Variants in EXOC4 observed in about 807,000 individuals in gnomAD.
The protein encoded by EXOC4 is SEC8-like 1.
In EXOC4, 71 loss-of-function variants were observed where a neutral mutation model predicts 107.2. The ratio of observed to expected loss-of-function variants is 0.66; its 90% CI spans 0.55 to 0.81. EXOC4 has a LOEUF of 0.81. Ranked by LOEUF, EXOC4 falls within the 30% of genes least tolerant of loss-of-function variation. The probability of loss-of-function intolerance (pLI) is 0.00; values close to 1 mark genes in which losing one functional copy is unlikely to be tolerated. For synonymous variants in EXOC4, 456 were observed against 441.2 expected, an observed-to-expected ratio of 1.03 and a Z score of -0.42; for missense variants, 1,108 against 1,189.6, an observed-to-expected ratio of 0.93 and a Z score of 1.01.
intron 7 of EXOC4, among the ~76,000 whole-genome samples, chr7:133,454,387 C>T (rs1460268713): frequency 6.6e-6 from 1 of 152,166 alleles, no homozygotes; most frequent in East Asian, 1.9e-4. Flanking sequence ...CAGCCATTGC[C>T]TCCTGGCGAA....
intron 5 of EXOC4, among the ~76,000 whole-genome samples, chr7:133,348,923 C>G (rs1224122545): frequency 6.6e-6 from 1 of 151,934 alleles, no homozygotes; most frequent in African/African-American, 2.4e-5. Context: ...TTGTTAAATC[C>G]CATATCATCA....
At chr7:133,824,693 C>T (rs149381716) in intron 11 of EXOC4, among the ~76,000 whole-genome samples, 2 of 152,020 alleles carry the variant, frequency 1.3e-5, no homozygotes, top group South Asian at 2.1e-4. Flanking sequence ...CTCTGGAGGA[C>T]GATCCTTCCT....
chr7:133,974,464 G>A (rs1010221417), intron 14 of EXOC4, among the ~76,000 whole-genome samples: 1 of 152,112 alleles, frequency 6.6e-6, no homozygotes, highest in African/African-American at 2.4e-5. Flanking sequence ...GTTTTCCTTA[G>A]GATATACTGT....
At chr7:133,925,760 A>G (rs1000505808) in intron 13 of EXOC4, among the ~76,000 whole-genome samples, 2 of 152,144 alleles carry the variant, frequency 1.3e-5, no homozygotes, top group Non-Finnish European at 2.9e-5. Context: ...GATGCACAAT[A>G]AAGAATTAAG....
chr7:133,451,820 A>G (rs1022566758), intron 7 of EXOC4, among the ~76,000 whole-genome samples: 3 of 152,160 alleles, frequency 2.0e-5, no homozygotes, highest in African/African-American at 7.2e-5. Context: ...TTGGTAGGGT[A>G]GACCTGCTCA....
At chr7:133,905,823 T>C (rs1013158936) in intron 12 of EXOC4, among the ~76,000 whole-genome samples, 2 of 151,934 alleles carry the variant, frequency 1.3e-5, no homozygotes, top group Non-Finnish European at 2.9e-5. Context: ...ATGCTGGACA[T>C]GAAGAAAGAG....
chr7:133,472,240 G>A (rs1166397683), intron 7 of EXOC4, among the ~76,000 whole-genome samples: 1 of 152,294 alleles, frequency 6.6e-6, no homozygotes, highest in East Asian at 1.9e-4. Context: ...TATTACGTGA[G>A]AAGGACTGGA....
At chr7:133,628,922 G>A (rs564792907) in intron 9 of EXOC4, among the ~76,000 whole-genome samples, 80 of 152,320 alleles carry the variant, frequency 5.3e-4, no homozygotes, top group South Asian at 3.7e-3. Context: ...ATAGGATGCA[G>A]CATGGAGCAC....
chr7:133,524,837 T>TA (rs1800050121), intron 9 of EXOC4, among the ~76,000 whole-genome samples: 1 of 152,198 alleles, frequency 6.6e-6, no homozygotes. Flanking sequence ...TTTCAGTTCT[T>TA]ACTATATCTT....
chr7:133,767,185 C>G (rs1796156134), intron 10 of EXOC4, among the ~76,000 whole-genome samples: 1 of 151,762 alleles, frequency 6.6e-6, no homozygotes, highest in Non-Finnish European at 1.5e-5. Context: ...TTTCTTCTAC[C>G]TAGTCACTCT....
chr7:133,989,296 A>G (rs1216427229), intron 14 of EXOC4, among the ~76,000 whole-genome samples: 1 of 152,178 alleles, frequency 6.6e-6, no homozygotes, highest in Non-Finnish European at 1.5e-5. Context: ...AACACATTGC[A>G]TTTGAGATGC....
chr7:133,708,797 T>C (rs746423556), intron 10 of EXOC4, among the ~76,000 whole-genome samples: 2 of 152,222 alleles, frequency 1.3e-5, no homozygotes, highest in Non-Finnish European at 2.9e-5. Flanking sequence ...TACAGCATCT[T>C]GTTTGTCTGT....
chr7:133,999,055 A>C (rs1794466520), intron 15 of EXOC4, among the ~76,000 whole-genome samples: 2 of 152,170 alleles, frequency 1.3e-5, no homozygotes, highest in South Asian at 4.1e-4. Context: ...GAAATCAAGT[A>C]TGCCATTGAG....
At chr7:133,440,513 G>A (rs1798079795) in intron 7 of EXOC4, among the ~76,000 whole-genome samples, 1 of 152,176 alleles carries the variant, frequency 6.6e-6, no homozygotes, top group Admixed American at 6.5e-5. Context: ...TAAGGGCTGG[G>A]TAAAATAAGG....
At chr7:133,730,209 CT>C (rs1210849420) in intron 10 of EXOC4, among the ~76,000 whole-genome samples, 1 of 148,746 alleles carries the variant, frequency 6.7e-6, no homozygotes, top group African/African-American at 2.5e-5. Context: ...TAGTGACCTT[CT>C]TTCTGACCTA....
intron 17 of EXOC4, among the ~76,000 whole-genome samples, chr7:134,020,048 C>T (rs1022110504): frequency 9.2e-5 from 14 of 152,116 alleles, no homozygotes; most frequent in Non-Finnish European, 1.3e-4. Context: ...GACCCGAGAC[C>T]ACTCTCTCAG....
In EXOC4 at chr7:133,422,634, T is replaced by G. The variant is rs143939922; in HGVS notation, c.1182+47632T>G. On this transcript the variant is annotated intron_variant, in intron 7 of 17. Coordinates refer to ENST00000253861, the MANE Select transcript of EXOC4 (RefSeq NM_021807.4). ...TAAAATGGAGGTTATGTAGGTTACA[T>G]GTTTTACTGGCTCATGGAGCTCTTC... is the stretch of plus-strand genomic sequence containing the variant. Among the ~76,000 whole-genome samples, 276 of 152,272 alleles carry G rather than the reference T, an allele frequency of 1.8e-3. 1 individual carries two copies. The highest frequency in any genetic ancestry group is 6.6e-3 in the African/African-American group (272 of 41,516).
Position 133,841,271 on chromosome 7 carries a change from C to T in EXOC4, c.1734+23727C>T, listed in dbSNP as rs146130258. On this transcript the variant is annotated intron_variant, in intron 11 of 17. Transcript: ENST00000253861. ...CTCCCAAAGTCCCCACCTCCTCATA[C>T]TGTCACCTTGGGGGTTAGGATTTCA... Among the ~76,000 whole-genome samples, 28 of 152,312 alleles carry T rather than the reference C, an allele frequency of 1.8e-4. No homozygotes were observed. In the East Asian group the frequency reaches 4.6e-3, roughly 25 times the overall value.
rs1298203095 is a variant in EXOC4, at chr7:133,911,654, T to C, written c.1872-5929T>C. Among the ~76,000 whole-genome samples the C allele has an allele frequency of 3.3e-5, 5 of 152,244 alleles. No homozygotes were observed. The East Asian group carries it at 7.7e-4, about 23-fold the overall frequency. ...ACCTTTAATGTCATCCAACCTAACC[T>C]AATTTTTTTATTTCAGCTAATGCTA... On this transcript the variant is annotated intron_variant, in intron 12 of 17. Coordinates refer to ENST00000253861, the MANE Select transcript of EXOC4 (RefSeq NM_021807.4).
Sources: gnomAD v4.1 joint callset for allele counts (sites outside exome capture counted in the v4.1 genomes callset) on GRCh38, gnomAD v4.1.1 for gene constraint, MANE v1.5 for transcripts, NCBI Gene and HGNC (gene_info 2026-07-23, HGNC 2026-07-21) for gene names.